Variants in POLR3B observed in about 807,000 individuals in gnomAD.
The protein encoded by POLR3B is DNA-directed RNA polymerase III subunit RPC2.
A neutral mutation model predicts 147.4 loss-of-function variants in POLR3B; 96 were observed. That is an observed-to-expected ratio of 0.65 (90% confidence interval 0.55 to 0.77). The LOEUF is 0.77. Among genes scored for constraint, POLR3B ranks in the 30% least tolerant of loss-of-function variants. POLR3B has a pLI of 0.00. For synonymous variants in POLR3B, 461 were observed against 485.9 expected, an observed-to-expected ratio of 0.95 and a Z score of 0.67; for missense variants, 1,036 against 1,413.5, an observed-to-expected ratio of 0.73 and a Z score of 4.28.
At position 106,376,355 on chromosome 12, in the gene POLR3B, A is replaced by T. The variant is rs765020214; in HGVS notation, c.405-4A>T. The T allele has an allele frequency of 6.2e-7, 1 of 1,602,330 alleles. No individual in the cohort carries two copies. The highest frequency in any genetic ancestry group is 8.5e-7 in the Non-Finnish European group (1 of 1,170,864). ...GATATTTTCTTTTGTTTTATTTTAT[A>T]CAGAATGCCCATAATGCTACGTAGT... is the stretch of plus-strand genomic sequence containing the variant. On this transcript the variant is annotated splice_region_variant and splice_polypyrimidine_tract_variant and intron_variant, in intron 6 of 27. Coordinates refer to ENST00000228347, the MANE Select transcript of POLR3B (RefSeq NM_018082.6).
chr12:106,457,328 A>G, intron 21 of POLR3B, 32 bp downstream of exon 21: 1 of 1,527,356 alleles, frequency 6.5e-7, no homozygotes, highest in Non-Finnish European at 9.1e-7. Context: ...AAATTTTAAT[A>G]CTTTTTGACA....
chr12:106,495,862 G>T, intron 23 of POLR3B, 193 bp from the exon 24 acceptor site: 1 of 679,200 alleles, frequency 1.5e-6, no homozygotes, highest in Non-Finnish European at 2.7e-6. Flanking sequence ...AGTGCCTTTC[G>T]CAAGGAGAGT....
chr12:106,402,049 A>G (rs1171251392), intron 10 of POLR3B, among the ~76,000 whole-genome samples: 3 of 152,126 alleles, frequency 2.0e-5, no homozygotes, highest in East Asian at 1.9e-4. Context: ...ACATGATTGT[A>G]TATCTAGAAA....
rs373268143 is a variant in POLR3B at position 106,502,440 on chromosome 12, G to T, written c.3098+1004G>T. ...TCTCATATTTAAAGTGGAGACAATA[G>T]TACCTACTTAACAGGTGCCAGTGAA... On this transcript the variant is annotated intron_variant, in intron 26 of 27. Transcript: ENST00000228347. Among the ~76,000 whole-genome samples the T allele has an allele frequency of 1.8e-3, 274 of 152,298 alleles. 1 individual carries two copies. The highest frequency in any genetic ancestry group is 6.2e-3 in the African/African-American group (256 of 41,546).
Position 106,378,331 on chromosome 12 carries a change from C to T in POLR3B, c.561C>T (p.Asn187=), listed in dbSNP as rs769452308. The T allele has an allele frequency of 1.2e-5, 20 of 1,613,930 alleles. No homozygotes were observed. The highest frequency in any genetic ancestry group is 1.3e-5 in the Non-Finnish European group (15 of 1,179,830). ...TTATCCAAGAGCAGCTGTCTAAGAA[C>T]AGGATCATCGTGGAGGCTGATAGAA... ...VILIQEQLSK[N]RIIVEADRKG... is the part of the protein sequence containing the mutation. The change falls in exon 8 of 28, where the codon AAC becomes AAT. Residue 187 remains asparagine, a synonymous_variant. Coordinates refer to ENST00000228347, the MANE Select transcript of POLR3B (RefSeq NM_018082.6).
At chr12:106,415,114 G>T (rs773123888) in intron 12 of POLR3B, among the ~76,000 whole-genome samples, 1 of 152,152 alleles carries the variant, frequency 6.6e-6, no homozygotes, top group Non-Finnish European at 1.5e-5. Flanking sequence ...AACTGTTAGA[G>T]CACAGGCCTT....
chr12:106,447,867 G>A (rs149275096), intron 19 of POLR3B, among the ~76,000 whole-genome samples: 3 of 152,218 alleles, frequency 2.0e-5, no homozygotes, highest in African/African-American at 7.2e-5. Flanking sequence ...TGCAGCTTCT[G>A]TTTTTGTGTT....
At chr12:106,444,221 A>T (rs569784145) in intron 18 of POLR3B, among the ~76,000 whole-genome samples, 2 of 152,322 alleles carry the variant, frequency 1.3e-5, no homozygotes, top group East Asian at 1.9e-4. Context: ...CTAGTCATCC[A>T]TGTGAATATT....
At chr12:106,429,194 C>G (rs77458721) in intron 13 of POLR3B, among the ~76,000 whole-genome samples, 1 of 152,134 alleles carries the variant, frequency 6.6e-6, no homozygotes, top group Non-Finnish European at 1.5e-5. Flanking sequence ...CATCTTACTT[C>G]GAGGCTGGAG....
At chr12:106,364,007 T>A (rs1203464834) in intron 2 of POLR3B, 105 bp downstream of exon 2, 2 of 818,976 alleles carry the variant, frequency 2.4e-6, no homozygotes. Context: ...ATTTTTTGAT[T>A]TTGTATAGCT....
intron 24 of POLR3B, chr12:106,496,359 C>T (rs901503437): frequency 6.0e-6 from 4 of 665,082 alleles, no homozygotes; most frequent in African/African-American, 5.4e-5. Context: ...AGGAGCACAT[C>T]TATACCTCCC....
chr12:106,398,193 C>G (rs987898613), intron 10 of POLR3B, among the ~76,000 whole-genome samples: 4 of 152,250 alleles, frequency 2.6e-5, no homozygotes, highest in Admixed American at 6.5e-5. Flanking sequence ...ATATCCCGCA[C>G]ATGACTCGGA....
In POLR3B at chr12:106,383,195, T is replaced by G. The variant is rs916686497; in HGVS notation, c.723+3056T>G. The stretch of plus-strand genomic sequence containing the variant: ...TTAGGCCCTTACTCTGGATTATGCT[T>G]TGACTTAAGGGAATGTTGTTGTGGC... On this transcript the variant is annotated intron_variant, in intron 9 of 27. Coordinates refer to ENST00000228347, the MANE Select transcript of POLR3B (RefSeq NM_018082.6). Among the ~76,000 whole-genome samples the G allele has an allele frequency of 2.0e-5, 3 of 152,206 alleles. No individual in the cohort carries two copies. The East Asian group carries it at 5.8e-4, about 29-fold the overall frequency.
intron 19 of POLR3B, chr12:106,446,389 AT>A (rs1183455690): frequency 7.9e-6 from 2 of 252,142 alleles, no homozygotes; most frequent in East Asian, 1.1e-4. Flanking sequence ...AAGAAATAAT[AT>A]TTTTATTTTT....
At chr12:106,478,034 T>G (rs1181408929) in intron 23 of POLR3B, among the ~76,000 whole-genome samples, 3 of 149,606 alleles carry the variant, frequency 2.0e-5, no homozygotes, top group Non-Finnish European at 4.4e-5. Context: ...CATCCCCCAT[T>G]AGCTGGGACT....
At chr12:106,416,163 T>C (rs2037299480) in intron 12 of POLR3B, among the ~76,000 whole-genome samples, 1 of 152,200 alleles carries the variant, frequency 6.6e-6, no homozygotes, top group Non-Finnish European at 1.5e-5. Context: ...AAAGCAGTTA[T>C]GTCCGAGAAT....
chr12:106,388,740 T>C (rs977205962), intron 9 of POLR3B, among the ~76,000 whole-genome samples: 1 of 152,352 alleles, frequency 6.6e-6, no homozygotes, highest in South Asian at 2.1e-4. Context: ...AAAGAAACAT[T>C]AGAGATTTCT....
At chr12:106,399,893 A>G (rs2037037881) in intron 10 of POLR3B, among the ~76,000 whole-genome samples, 1 of 152,342 alleles carries the variant, frequency 6.6e-6, no homozygotes, top group South Asian at 2.1e-4. Context: ...CCAAATTGTA[A>G]AGACTGTCAA....
chr12:106,491,383 G>A (rs1427393318), intron 23 of POLR3B, among the ~76,000 whole-genome samples: 6 of 152,168 alleles, frequency 3.9e-5, no homozygotes, highest in Admixed American at 3.9e-4. Context: ...AGTCCAAGGG[G>A]TGATGAATTT....
Sources: gnomAD v4.1 joint callset for allele counts (sites outside exome capture counted in the v4.1 genomes callset) on GRCh38, gnomAD v4.1.1 for gene constraint, MANE v1.5 for transcripts, NCBI Gene and HGNC (gene_info 2026-07-23, HGNC 2026-07-21) for gene names.